Variants in PLCB1 observed in about 807,000 individuals in gnomAD.
PLCB1 encodes phospholipase C beta 1, also known as 1-phosphatidylinositol 4,5-bisphosphate phosphodiesterase beta-1.
In PLCB1, 46 loss-of-function variants were observed where a neutral mutation model predicts 161.8. The observed-to-expected ratio is 0.28, with a 90% CI of 0.22 to 0.36. The LOEUF (loss-of-function observed/expected upper bound fraction) is 0.36, where lower values mean the gene tolerates loss of function less well. Ranked by LOEUF, PLCB1 falls within the 10% of genes least tolerant of loss-of-function variation. The pLI, the probability that PLCB1 is intolerant of heterozygous loss-of-function variation, is 1.00. For missense variants in PLCB1, 1,016 were observed against 1,472.5 expected (o/e 0.69, Z 5.07); for synonymous variants, 517 against 503.7 (o/e 1.03, Z -0.35).
intron 2 of PLCB1, among the ~76,000 whole-genome samples, chr20:8,150,757 C>A (rs1308173479): frequency 6.6e-6 from 1 of 152,114 alleles, no homozygotes; most frequent in African/African-American, 2.4e-5. Flanking sequence ...TACCCCTTGG[C>A]TTTTCTTTCT....
At chr20:8,772,536 GC>G (rs140098193) in intron 26 of PLCB1, among the ~76,000 whole-genome samples, 1,841 of 152,310 alleles carry the variant, frequency 0.012, 41 homozygotes, top group African/African-American at 0.041. Context: ...AGTGTGCCCG[GC>G]ATATGGGGGG....
At chr20:8,610,810 G>A (rs1375294584) in intron 3 of PLCB1, among the ~76,000 whole-genome samples, 1 of 151,914 alleles carries the variant, frequency 6.6e-6, no homozygotes, top group African/African-American at 2.4e-5. Flanking sequence ...TTATACCTAG[G>A]TTTTCTTCTA....
At chr20:8,244,872 T>C (rs1235749365) in intron 2 of PLCB1, among the ~76,000 whole-genome samples, 1 of 151,764 alleles carries the variant, frequency 6.6e-6, no homozygotes, top group African/African-American at 2.4e-5. Context: ...AATGGAAGTA[T>C]CCAGGCAAAT....
At chr20:8,699,874 G>A (rs555274906) in intron 11 of PLCB1, among the ~76,000 whole-genome samples, 1 of 152,292 alleles carries the variant, frequency 6.6e-6, no homozygotes, top group Admixed American at 6.5e-5. Context: ...GTTTAATACA[G>A]GGTTGACATT....
intron 8 of PLCB1, among the ~76,000 whole-genome samples, chr20:8,657,947 A>G (rs996168971): frequency 6.6e-6 from 1 of 152,132 alleles, no homozygotes; most frequent in African/African-American, 2.4e-5. Flanking sequence ...ATGACATTGC[A>G]TATTCTTGCT....
chr20:8,567,869 C>A (rs372676369), intron 3 of PLCB1, among the ~76,000 whole-genome samples: 4 of 152,112 alleles, frequency 2.6e-5, no homozygotes, highest in Non-Finnish European at 4.4e-5. Context: ...TTAGAAATTG[C>A]GACTTAGCAA....
At chr20:8,546,657 C>G (rs1484542448) in intron 3 of PLCB1, among the ~76,000 whole-genome samples, 1 of 152,066 alleles carries the variant, frequency 6.6e-6, no homozygotes, top group African/African-American at 2.4e-5. Context: ...CAGCACAGAG[C>G]TGATAAACCT....
Position 8,442,532 on chromosome 20 carries a change from G to C in PLCB1, c.246+71082G>C, listed in dbSNP as rs374174403. ...ATTAAGTTTCAGCATCTGAATTTTA[G>C]AGGGGACATACTGAGGCAATAACAA... On this transcript the variant is annotated intron_variant, in intron 3 of 31. Coordinates refer to ENST00000338037, the MANE Select transcript of PLCB1 (RefSeq NM_015192.4). Among the ~76,000 whole-genome samples, 6 of 152,262 alleles carry C rather than the reference G, an allele frequency of 3.9e-5. No individual in the cohort carries two copies. The East Asian group carries it at 7.7e-4, about 20-fold the overall frequency.
At chr20:8,631,310 T>C (rs779855833) in intron 4 of PLCB1, among the ~76,000 whole-genome samples, 3 of 152,194 alleles carry the variant, frequency 2.0e-5, no homozygotes, top group Non-Finnish European at 4.4e-5. Flanking sequence ...TGTTGCCAGA[T>C]CTTGAATTTT....
At chr20:8,367,845 G>T (rs1177969057) in intron 2 of PLCB1, among the ~76,000 whole-genome samples, 1 of 152,160 alleles carries the variant, frequency 6.6e-6, no homozygotes, top group Non-Finnish European at 1.5e-5. Context: ...TCTTTTTAGT[G>T]GCAGAGAGAA....
At chr20:8,726,622 A>T (rs1192474750) in intron 16 of PLCB1, among the ~76,000 whole-genome samples, 1 of 152,032 alleles carries the variant, frequency 6.6e-6, no homozygotes, top group South Asian at 2.1e-4. Context: ...ATGCATTATC[A>T]TGAGAACAAC....
chr20:8,744,976 G>T (rs1981093817), intron 23 of PLCB1, among the ~76,000 whole-genome samples: 1 of 152,104 alleles, frequency 6.6e-6, no homozygotes, highest in Middle Eastern at 3.2e-3. Flanking sequence ...TTTTCTTAAA[G>T]GTGATCAGAA....
intron 3 of PLCB1, among the ~76,000 whole-genome samples, chr20:8,450,122 C>T (rs1464667303): frequency 6.6e-6 from 1 of 152,170 alleles, no homozygotes; most frequent in African/African-American, 2.4e-5. Flanking sequence ...TTTAGCATGA[C>T]TATTTCAAGA....
In PLCB1 at chr20:8,563,242, G is replaced by T. The variant is rs570455928; in HGVS notation, c.247-65052G>T. Among the ~76,000 whole-genome samples, 23 of 152,120 alleles carry T rather than the reference G, an allele frequency of 1.5e-4. No homozygotes were observed. In the East Asian group the frequency reaches 4.3e-3, roughly 28 times the overall value. ...AGCAAGTAATTGATTTTTTAAAAATGATGTGGTTCTGGTGGAAGTAGTATA... is the reference window on the plus strand; with the variant it reads ...AGCAAGTAATTGATTTTTTAAAAATTATGTGGTTCTGGTGGAAGTAGTATA... On this transcript the variant is annotated intron_variant, in intron 3 of 31. Coordinates refer to ENST00000338037, the MANE Select transcript of PLCB1 (RefSeq NM_015192.4).
intron 2 of PLCB1, among the ~76,000 whole-genome samples, chr20:8,320,892 A>G (rs79289014): frequency 0.028 from 4,264 of 150,844 alleles, 108 homozygotes; most frequent in Middle Eastern, 0.082. Flanking sequence ...AAAGAAAGAA[A>G]GAGAGAAGAA....
intron 3 of PLCB1, among the ~76,000 whole-genome samples, chr20:8,563,334 C>T (rs541825823): frequency 3.7e-4 from 57 of 152,120 alleles, no homozygotes; most frequent in African/African-American, 1.3e-3. Flanking sequence ...AAATTTAGTT[C>T]CCATCTATAG....
At chr20:8,739,480 C>A (rs904064306) in intron 21 of PLCB1, 120 bp downstream of exon 21, 11 of 677,116 alleles carry the variant, frequency 1.6e-5, no homozygotes, top group Non-Finnish European at 2.4e-5. Flanking sequence ...TGTTATGTAA[C>A]AAGGGCGATG....
At chr20:8,241,237 A>G (rs1212298191) in intron 2 of PLCB1, among the ~76,000 whole-genome samples, 1 of 151,990 alleles carries the variant, frequency 6.6e-6, no homozygotes, top group East Asian at 1.9e-4. Context: ...TTGAAAAATT[A>G]AGCCTCTACT....
At position 8,635,931 on chromosome 20, in the gene PLCB1, C is replaced by T. The variant is rs566985962; in HGVS notation, c.384+7500C>T. ...TGAGGTTCTTATATTTATTTTTATT[C>T]TGGGAACATATGCATTGAGGTAAGA... is the stretch of plus-strand genomic sequence containing the variant. On this transcript the variant is annotated intron_variant, in intron 4 of 31. Coordinates refer to ENST00000338037, the MANE Select transcript of PLCB1 (RefSeq NM_015192.4). Among the ~76,000 whole-genome samples, 5 of 152,216 alleles carry T rather than the reference C, an allele frequency of 3.3e-5. No individual in the cohort carries two copies. The East Asian group carries it at 9.6e-4, about 29-fold the overall frequency.
Sources: gnomAD v4.1 joint callset for allele counts (sites outside exome capture counted in the v4.1 genomes callset) on GRCh38, gnomAD v4.1.1 for gene constraint, MANE v1.5 for transcripts, NCBI Gene and HGNC (gene_info 2026-07-23, HGNC 2026-07-21) for gene names.